The following PTPRN2 variants were observed in gnomAD, a reference collection of about 807,000 sequenced individuals.
The protein encoded by PTPRN2 is receptor-type tyrosine-protein phosphatase N2.
Under a neutral mutation model 118.8 loss-of-function variants are expected in PTPRN2, and 74 were observed. The ratio of observed to expected loss-of-function variants is 0.62; its 90% CI spans 0.52 to 0.76. The LOEUF (loss-of-function observed/expected upper bound fraction) is 0.76, where lower values mean the gene tolerates loss of function less well. PTPRN2 is among the 30% of genes least tolerant of loss of function. The pLI, the probability that PTPRN2 is intolerant of heterozygous loss-of-function variation, is 0.00. For missense variants in PTPRN2, 1,481 were observed against 1,394.4 expected (o/e 1.06, Z -0.99); for synonymous variants, 641 against 608.0 (o/e 1.05, Z -0.80).
chr7:157,631,490 A>C (rs931610247), intron 14 of PTPRN2, among the ~76,000 whole-genome samples: 2 of 152,326 alleles, frequency 1.3e-5, no homozygotes, highest in South Asian at 4.1e-4. Flanking sequence ...CGAGGTCAGG[A>C]GATCGAGACC....
In PTPRN2 at chr7:158,442,829, A is replaced by T. The variant is rs567246954; in HGVS notation, c.163+46906T>A. 6.6e-5 allele frequency among the ~76,000 whole-genome samples: 10 copies of T among 152,244 alleles called. No homozygotes were observed. The South Asian group carries it at 2.1e-3, about 32-fold the overall frequency. On this transcript the variant is annotated intron_variant, in intron 2 of 22. Coordinates refer to ENST00000389418, the MANE Select transcript of PTPRN2 (RefSeq NM_002847.5). ...GAATGTATGTTTCCTTTTTTGTCAG[A>T]AAATAAAATGACACGTTTCCATTTT...
chr7:158,159,463 T>G (rs73514489), intron 6 of PTPRN2, among the ~76,000 whole-genome samples: 26 of 152,324 alleles, frequency 1.7e-4, no homozygotes, highest in African/African-American at 5.5e-4. Context: ...GAGGTTGCAA[T>G]GTGAAATTCA....
chr7:158,501,819 G>C (rs1035639621), intron 1 of PTPRN2, among the ~76,000 whole-genome samples: 27 of 152,124 alleles, frequency 1.8e-4, no homozygotes, highest in African/African-American at 6.3e-4. Flanking sequence ...TTTCATTATC[G>C]ATCTACTTAG....
At chr7:157,601,213 A>T (rs1801648095) in intron 16 of PTPRN2, among the ~76,000 whole-genome samples, 1 of 152,206 alleles carries the variant, frequency 6.6e-6, no homozygotes, top group Non-Finnish European at 1.5e-5. Context: ...AAAAGCAAAG[A>T]TTGCACATTA....
chr7:158,166,371 G>A (rs112950458), intron 6 of PTPRN2, among the ~76,000 whole-genome samples: 3 of 35,814 alleles, frequency 8.4e-5, no homozygotes, highest in Non-Finnish European at 1.2e-4. Context: ...ACTGGCCGCC[G>A]CGTTCCCTGT....
At chr7:158,111,725 C>A (rs1816291836) in intron 9 of PTPRN2, among the ~76,000 whole-genome samples, 1 of 152,216 alleles carries the variant, frequency 6.6e-6, no homozygotes, top group Admixed American at 6.5e-5. Flanking sequence ...CAATGAACAG[C>A]AAGACCAGCC....
intron 14 of PTPRN2, among the ~76,000 whole-genome samples, chr7:157,639,032 C>G (rs1585150593): frequency 1.3e-5 from 2 of 151,818 alleles, no homozygotes; most frequent in African/African-American, 4.8e-5. Context: ...TCTTTCTTTC[C>G]TTCTTTCTTT....
At chr7:158,478,244 G>A (rs1820409504) in intron 2 of PTPRN2, among the ~76,000 whole-genome samples, 1 of 152,226 alleles carries the variant, frequency 6.6e-6, no homozygotes, top group South Asian at 2.1e-4. Context: ...AAACTGTCCA[G>A]AAATCAGCCA....
At chr7:158,569,648 G>T (rs35965629) in intron 1 of PTPRN2, among the ~76,000 whole-genome samples, 9,968 of 107,894 alleles carry the variant, frequency 0.092, 915 homozygotes, top group East Asian at 0.19. Context: ...CAACAAGAAC[G>T]CGGGGCGCGA....
intron 6 of PTPRN2, among the ~76,000 whole-genome samples, chr7:158,145,842 T>G (rs537240044): frequency 2.4e-4 from 36 of 152,296 alleles, no homozygotes; most frequent in African/African-American, 8.2e-4. Flanking sequence ...CAGGCTGGAC[T>G]CCCATGAAGA....
intron 2 of PTPRN2, among the ~76,000 whole-genome samples, chr7:158,484,870 T>G (rs1481235892): frequency 6.6e-6 from 1 of 152,164 alleles, no homozygotes; most frequent in African/African-American, 2.4e-5. Flanking sequence ...GGGCTTGGAA[T>G]AGAAGAAGCT....
At chr7:158,071,736 G>GAGGTGCTCGTCGTA (rs1811817846) in intron 11 of PTPRN2, among the ~76,000 whole-genome samples, 1 of 126,696 alleles carries the variant, frequency 7.9e-6, no homozygotes, top group Non-Finnish European at 1.7e-5. Flanking sequence ...GCTCGTGGTG[G>GAGGTGCTCGTCGTA]TGGAGGTGCT....
chr7:157,695,156 C>T (rs750198596), intron 12 of PTPRN2, among the ~76,000 whole-genome samples: 2 of 151,890 alleles, frequency 1.3e-5, no homozygotes, highest in Non-Finnish European at 2.9e-5. Flanking sequence ...TTATAGATTA[C>T]ACATTTAAGT....
chr7:157,950,668 C>T (rs540296018), intron 11 of PTPRN2, among the ~76,000 whole-genome samples: 5 of 152,222 alleles, frequency 3.3e-5, no homozygotes, highest in Non-Finnish European at 5.9e-5. Context: ...CATTGCTGTG[C>T]AGCCGCCTCA....
chr7:158,526,137 G>T lies in PTPRN2; in HGVS notation c.113-36352C>A, dbSNP rs921877767. Among the ~76,000 whole-genome samples, 1 of 152,148 alleles carries T rather than the reference G, an allele frequency of 6.6e-6. No individual in the cohort carries two copies. The highest frequency in any genetic ancestry group is 1.5e-5 in the Non-Finnish European group (1 of 68,012). On this transcript the variant is annotated intron_variant, in intron 1 of 22. Coordinates refer to ENST00000389418, the MANE Select transcript of PTPRN2 (RefSeq NM_002847.5). The surrounding 1 kb of genome is among the most constrained non-coding windows in gnomAD (Gnocchi z 5.2). ...ATGACTTCCTACAGCTTCTGAAAGG[G>T]CCCGCTCTGGGGGGAGCCACATCAG...
Position 157,830,791 on chromosome 7 carries a change from A to C in PTPRN2, c.1788+67882T>G, listed in dbSNP as rs1176150701. On this transcript the variant is annotated intron_variant, in intron 12 of 22. Transcript: ENST00000389418. ...AAAATCCGAGATGTCACAACAAAACACAGCATTCACCCTTGATTGGAATCT... is the reference window on the plus strand; with the variant it reads ...AAAATCCGAGATGTCACAACAAAACCCAGCATTCACCCTTGATTGGAATCT... 2.0e-5 allele frequency among the ~76,000 whole-genome samples: 3 copies of C among 152,256 alleles called. No individual in the cohort carries two copies. In the South Asian group the frequency reaches 6.2e-4, roughly 31 times the overall value.
At chr7:158,471,198 G>A (rs544710531) in intron 2 of PTPRN2, among the ~76,000 whole-genome samples, 8 of 152,230 alleles carry the variant, frequency 5.3e-5, no homozygotes, top group East Asian at 1.9e-4. Flanking sequence ...AGGCCAGCAC[G>A]AGAGGCCAGC....
rs530284033 is a variant in PTPRN2, at chr7:158,526,359, C to T, written c.113-36574G>A. 2.0e-5 allele frequency among the ~76,000 whole-genome samples: 3 copies of T among 152,326 alleles called. No individual in the cohort carries two copies. In the South Asian group the frequency reaches 6.2e-4, roughly 32 times the overall value. On this transcript the variant is annotated intron_variant, in intron 1 of 22. Coordinates refer to ENST00000389418, the MANE Select transcript of PTPRN2 (RefSeq NM_002847.5). This position sits in a 1 kb window ranked among gnomAD's most constrained non-coding sequence, Gnocchi z 5.2. ...TCCCGTGGGACGCTGCAGAGATAAC[C>T]AGGTAGAGCCACGCTCACGAGAACC... is the stretch of plus-strand genomic sequence containing the variant.
intron 12 of PTPRN2, among the ~76,000 whole-genome samples, chr7:157,804,202 C>T (rs926565507): frequency 5.9e-5 from 9 of 152,130 alleles, no homozygotes; most frequent in Non-Finnish European, 8.8e-5. Context: ...AATGCCCCCG[C>T]GAAGTCATAG....
Sources: allele counts gnomAD v4.1 joint callset (sites outside exome capture counted in the v4.1 genomes callset), GRCh38; gene constraint gnomAD v4.1.1; non-coding constraint Gnocchi (gnomAD v3.1); transcripts MANE v1.5; gene names NCBI Gene and HGNC (gene_info 2026-07-23, HGNC 2026-07-21).